SHANK2: variants seen among roughly 807,000 people sequenced by gnomAD.
SHANK2 encodes the protein SH3 and multiple ankyrin repeat domains 2.
A neutral mutation model predicts 133.7 loss-of-function variants in SHANK2; 43 were observed. The ratio of observed to expected loss-of-function variants is 0.32; its 90% CI spans 0.25 to 0.41. SHANK2 has a LOEUF of 0.41. Among genes scored for constraint, SHANK2 ranks in the 10% least tolerant of loss-of-function variants. SHANK2 has a pLI of 1.00. For missense variants in SHANK2, 1,994 were observed against 2,235.8 expected, an observed-to-expected ratio of 0.89 and a Z score of 2.18; for synonymous variants, 1,017 against 952.8, an observed-to-expected ratio of 1.07 and a Z score of -1.24.
At position 70,486,354 on chromosome 11, in the gene SHANK2, C is replaced by T. The variant is rs374283419; in HGVS notation, c.3939G>A (p.Leu1313=). Residue 1313 remains leucine (L), a synonymous_variant, in exon 25 of 26, where the codon CTG becomes CTA. Transcript: ENST00000601538. This position sits in a 1 kb window ranked among gnomAD's most constrained non-coding sequence, Gnocchi z 8.0. ...TGGCGTCCACGGTGTGCACCATCAG[C>T]AGGCCAGCCGACTTCTGCTGGGACG... The part of the protein sequence containing the change: ...MDTSQQKSAG[L]LMVHTVDATK... The T allele has an allele frequency of 7.4e-5, 120 of 1,613,932 alleles. No homozygotes were observed. The African/African-American group carries it at 1.4e-3, about 19-fold the overall frequency.
In SHANK2 at chr11:70,804,230, C is replaced by T. The variant is rs1252981792; in HGVS notation, c.1663+2772G>A. Among the ~76,000 whole-genome samples the T allele has an allele frequency of 7.9e-5, 12 of 152,250 alleles. No individual in the cohort carries two copies. Among genetic ancestry groups the T allele is most frequent in the Admixed American group, 7.8e-4 (12 of 15,288 alleles). On this transcript the variant is annotated intron_variant, in intron 13 of 25. Coordinates refer to ENST00000601538, the MANE Select transcript of SHANK2 (RefSeq NM_012309.5). This position sits in a 1 kb window ranked among gnomAD's most constrained non-coding sequence, Gnocchi z 4.1. ...ACAGAATTCCTCCAAACGGCCTTGGCTCTGCAGGCAGTGGATCGGCTCGAC... is the reference window on the plus strand; with the variant it reads ...ACAGAATTCCTCCAAACGGCCTTGGTTCTGCAGGCAGTGGATCGGCTCGAC...
intron 2 of SHANK2, among the ~76,000 whole-genome samples, chr11:71,210,147 A>C (rs890705776): frequency 7.0e-6 from 1 of 143,008 alleles, no homozygotes; most frequent in African/African-American, 2.6e-5. Flanking sequence ...CATCCCCAGT[A>C]TTTAGTGGTG....
Position 70,485,553 on chromosome 11 carries a change from G to A in SHANK2, c.4740C>T (p.Pro1580=), listed in dbSNP as rs782156495. 57 of 1,612,906 alleles carry A rather than the reference G, an allele frequency of 3.5e-5. No homozygotes were observed. Among genetic ancestry groups the A allele is most frequent in the East Asian group, 1.3e-4 (6 of 44,870 alleles). The change falls in exon 25 of 26, where the codon CCC becomes CCT. Residue 1580 remains proline (P), a synonymous_variant. Coordinates refer to ENST00000601538, the MANE Select transcript of SHANK2 (RefSeq NM_012309.5). The surrounding 1 kb of genome is among the most constrained non-coding windows in gnomAD (Gnocchi z 5.8). ...CACTGCCCGGCGGGGGCGGGGGAGC[G>A]GGCGGGGGGATAACAAAGCTATCTA... ...EDVDSFVIPP[P]APPPPPGSAQ... is the part of the protein sequence containing the mutation.
chr11:70,870,599 G>T (rs1451235734), intron 11 of SHANK2, among the ~76,000 whole-genome samples: 19 of 152,024 alleles, frequency 1.2e-4, no homozygotes, highest in African/African-American at 4.4e-4. Context: ...GCAGTGGGGG[G>T]GTTCACACTG....
At chr11:71,196,974 G>C (rs1458787577) in intron 2 of SHANK2, among the ~76,000 whole-genome samples, 9 of 139,346 alleles carry the variant, frequency 6.5e-5, no homozygotes, top group Admixed American at 6.0e-4. Flanking sequence ...CTTCAGCCTT[G>C]GTGACAGAGT....
At chr11:70,839,926 T>C (rs1186993532) in intron 11 of SHANK2, among the ~76,000 whole-genome samples, 1 of 152,162 alleles carries the variant, frequency 6.6e-6, no homozygotes, top group Non-Finnish European at 1.5e-5. Flanking sequence ...GCACCACATC[T>C]GCATCAAGAA....
intron 17 of SHANK2, among the ~76,000 whole-genome samples, chr11:70,527,006 G>A (rs1554972289): frequency 6.6e-6 from 1 of 151,992 alleles, no homozygotes; most frequent in Non-Finnish European, 1.5e-5. Flanking sequence ...GACGCTCCCA[G>A]TCCTCAACGC....
chr11:70,586,898 A>G (rs192269735), intron 17 of SHANK2, among the ~76,000 whole-genome samples: 49 of 152,276 alleles, frequency 3.2e-4, no homozygotes, highest in Non-Finnish European at 4.4e-5. Context: ...AATAATGCAG[A>G]AAAGGCAAAG....
intron 17 of SHANK2, among the ~76,000 whole-genome samples, chr11:70,523,846 G>A (rs2059361910): frequency 6.6e-6 from 1 of 152,142 alleles, no homozygotes; most frequent in Non-Finnish European, 1.5e-5. Context: ...AGCTGGGGTA[G>A]CTTCCTCTGA....
chr11:70,554,901 A>ACTTTT (rs2059810881), intron 17 of SHANK2, among the ~76,000 whole-genome samples: 1 of 134,168 alleles, frequency 7.5e-6, no homozygotes, highest in African/African-American at 2.8e-5. Flanking sequence ...CGAACATTGC[A>ACTTTT]TTTTTTTTTT....
At chr11:70,562,644 C>G (rs978596087) in intron 17 of SHANK2, among the ~76,000 whole-genome samples, 1 of 152,082 alleles carries the variant, frequency 6.6e-6, no homozygotes, top group Non-Finnish European at 1.5e-5. Context: ...ACTTTTAACT[C>G]TTTTGTGTCT....
chr11:70,787,023 G>GC (rs1417670342), intron 14 of SHANK2, among the ~76,000 whole-genome samples: 2 of 139,284 alleles, frequency 1.4e-5, no homozygotes, highest in Non-Finnish European at 3.1e-5. Context: ...ACCATCACCA[G>GC]CATCACCATC....
chr11:70,500,611 C>T lies in SHANK2; in HGVS notation c.2288-21G>A, dbSNP rs916376557. ...CGAGGCTTGCAAACAGAAAGGGGACCGCCATGAGCCACCAGGATGCAGCGC... is the reference window on the plus strand; with the variant it reads ...CGAGGCTTGCAAACAGAAAGGGGACTGCCATGAGCCACCAGGATGCAGCGC... On this transcript the variant is annotated intron_variant, in intron 20 of 25. Transcript: ENST00000601538. The surrounding 1 kb of genome is among the most constrained non-coding windows in gnomAD (Gnocchi z 4.5). The T allele has an allele frequency of 2.4e-5, 39 of 1,598,734 alleles. No homozygotes were observed. The highest frequency in any genetic ancestry group is 3.0e-5 in the Non-Finnish European group (35 of 1,173,232).
Position 70,644,731 on chromosome 11 carries a change from C to A in SHANK2, c.2061+15097G>T, listed in dbSNP as rs114819695. Among the ~76,000 whole-genome samples, 1,080 of 152,316 alleles carry A rather than the reference C, an allele frequency of 7.1e-3. 10 individuals are homozygous for A. The highest frequency in any genetic ancestry group is 0.024 in the African/African-American group (1,015 of 41,560). On this transcript the variant is annotated intron_variant, in intron 17 of 25. Coordinates refer to ENST00000601538, the MANE Select transcript of SHANK2 (RefSeq NM_012309.5). The stretch of plus-strand genomic sequence containing the variant: ...CCATCTCCAGACCTGCTTGCTAAAC[C>A]CCACAGTGTCACTGAGTCCCACTTT...
At chr11:70,857,771 T>C (rs1555067073) in intron 11 of SHANK2, among the ~76,000 whole-genome samples, 1 of 152,108 alleles carries the variant, frequency 6.6e-6, no homozygotes, top group African/African-American at 2.4e-5. Flanking sequence ...GCACATGACA[T>C]CACGAAGACA....
At chr11:71,230,738 G>A (rs1170632614) in intron 1 of SHANK2, among the ~76,000 whole-genome samples, 1 of 152,056 alleles carries the variant, frequency 6.6e-6, no homozygotes, top group Non-Finnish European at 1.5e-5. Flanking sequence ...CATAGCAATA[G>A]AACTCAATAC....
chr11:71,076,323 G>GC (rs1298106199), intron 8 of SHANK2, among the ~76,000 whole-genome samples: 92 of 152,286 alleles, frequency 6.0e-4, no homozygotes, highest in African/African-American at 2.2e-3. Context: ...CGCCATGGTA[G>GC]CCCAGGAAGG....
chr11:70,949,641 C>A (rs557174581), intron 10 of SHANK2, among the ~76,000 whole-genome samples: 3 of 152,164 alleles, frequency 2.0e-5, no homozygotes, highest in Admixed American at 2.0e-4. Context: ...TCATGGGGGG[C>A]CGGCTGGACA....
At chr11:70,607,468 A>T (rs2136359241) in intron 17 of SHANK2, among the ~76,000 whole-genome samples, 1 of 151,946 alleles carries the variant, frequency 6.6e-6, no homozygotes, top group African/African-American at 2.4e-5. Flanking sequence ...TCACCATCAC[A>T]CCCCACTCCC....
Sources: gnomAD v4.1 joint callset for allele counts (sites outside exome capture counted in the v4.1 genomes callset) on GRCh38, gnomAD v4.1.1 for gene constraint, Gnocchi (gnomAD v3.1) non-coding constraint, MANE v1.5 for transcripts, NCBI Gene and HGNC (gene_info 2026-07-23, HGNC 2026-07-21) for gene names.